Variants in GMPS observed in about 807,000 individuals in gnomAD.
The protein encoded by GMPS is GMP synthase [glutamine-hydrolyzing].
GMPS carries 15 observed loss-of-function variants against 77.9 expected under a neutral mutation model. The observed-to-expected ratio is 0.19, with a 90% CI of 0.13 to 0.30. The LOEUF is 0.30. Ranked by LOEUF, GMPS falls within the 10% of genes least tolerant of loss-of-function variation. The pLI is 1.00. For missense variants in GMPS, 590 were observed against 838.8 expected, an observed-to-expected ratio of 0.70 and a Z score of 3.66; for synonymous variants, 224 against 275.9, an observed-to-expected ratio of 0.81 and a Z score of 1.86.
In GMPS at chr3:155,910,790, G is replaced by T. The variant is rs1474867497; in HGVS notation, c.625G>T (p.Asp209Tyr). The change falls in exon 6 of 16, where the codon GAT becomes TAT. Residue 209 changes from aspartate to tyrosine, a missense_variant. This residue lies in a region of GMPS where 136 missense variants were observed against 225.6 expected (regional missense o/e 0.60). Transcript: ENST00000496455. ...GKVILKNFLY[D>Y]IAGCSGTFTV... ...AGTAATACTGAAGAATTTCCTTTAT[G>T]ATATAGCTGGATGCAGTGGAACCTT... The T allele has an allele frequency of 1.9e-6, 3 of 1,611,372 alleles. No homozygotes were observed. The highest frequency in any genetic ancestry group is 2.5e-6 in the Non-Finnish European group (3 of 1,177,932).
chr3:155,893,838 A>G (rs2108074413), intron 2 of GMPS, 139 bp downstream of exon 2: 2 of 543,510 alleles, frequency 3.7e-6, no homozygotes, highest in Non-Finnish European at 6.2e-6. Context: ...CATGGCTCTG[A>G]TTTGGGGAGA....
intron 1 of GMPS, among the ~76,000 whole-genome samples, chr3:155,873,304 T>A (rs1753946433): frequency 6.6e-6 from 1 of 152,104 alleles, no homozygotes; most frequent in East Asian, 1.9e-4. Context: ...TATTATTTTT[T>A]TGAGACAGGA....
intron 10 of GMPS, among the ~76,000 whole-genome samples, chr3:155,921,549 C>T (rs1001627533): frequency 1.3e-5 from 2 of 152,160 alleles, no homozygotes; most frequent in African/African-American, 4.8e-5. Context: ...GTCAGTGGCT[C>T]ATGCCTGTAA....
chr3:155,919,273 A>G lies in GMPS; in HGVS notation c.1253A>G (p.Glu418Gly). The G allele has an allele frequency of 6.3e-7, 1 of 1,594,806 alleles. No homozygotes were observed. Among genetic ancestry groups the G allele is most frequent in the Non-Finnish European group, 8.6e-7 (1 of 1,168,092 alleles). ...IEPLKDFHKD[E>G]VRILGRELGL... ...CCTCTGAAAGATTTTCATAAAGATG[A>G]AGTGAGAATTTTGGGCAGAGAACTT... Residue 418 changes from glutamate (E) to glycine (G), a missense_variant, in exon 10 of 16, where the codon GAA becomes GGA. Around this residue, in one of 6 missense-constraint regions of GMPS, gnomAD observed 64 missense variants for 114.5 expected, o/e 0.56. Coordinates refer to ENST00000496455, the MANE Select transcript of GMPS (RefSeq NM_003875.3).
intron 9 of GMPS, among the ~76,000 whole-genome samples, chr3:155,918,329 G>A (rs1336065658): frequency 6.6e-6 from 1 of 152,024 alleles, no homozygotes. Context: ...GTGCATGCCT[G>A]TAGTCCCAGC....
At chr3:155,923,643 A>G (rs1004438168) in intron 11 of GMPS, among the ~76,000 whole-genome samples, 1 of 152,366 alleles carries the variant, frequency 6.6e-6, no homozygotes, top group East Asian at 1.9e-4. Context: ...ACTGTCTTTT[A>G]AAAACAAGGG....
intron 1 of GMPS, among the ~76,000 whole-genome samples, chr3:155,891,159 ATGT>A (rs1218863753): frequency 6.6e-6 from 1 of 152,204 alleles, no homozygotes; most frequent in Admixed American, 6.5e-5. Context: ...AATTTGAGCC[ATGT>A]TGTTGGGGAC....
At chr3:155,917,616 C>CATG (rs1433971979) in intron 9 of GMPS, among the ~76,000 whole-genome samples, 2 of 152,036 alleles carry the variant, frequency 1.3e-5, no homozygotes, top group Non-Finnish European at 2.9e-5. Flanking sequence ...CACAGTGGCT[C>CATG]ATGCCTAGCG....
intron 5 of GMPS, among the ~76,000 whole-genome samples, chr3:155,906,648 AC>A (rs1435888331): frequency 6.6e-6 from 1 of 152,074 alleles, no homozygotes; most frequent in Admixed American, 6.6e-5. Context: ...AGCCCATAGC[AC>A]CCAAATAAGT....
In GMPS at chr3:155,937,032, G is replaced by A. The variant is rs530984512; in HGVS notation, c.1980+522G>A. Among the ~76,000 whole-genome samples the A allele has an allele frequency of 1.1e-4, 17 of 152,330 alleles. No individual in the cohort carries two copies. In the South Asian group the frequency reaches 1.9e-3, roughly 17 times the overall value. ...GCCACTGCCTCCAGTGCACTAACAC[G>A]AAGCTGTCGTGATAGCTAGGTAGAT... On this transcript the variant is annotated intron_variant, in intron 15 of 15. Transcript: ENST00000496455.
chr3:155,896,395 C>G (rs1290379104), intron 2 of GMPS, among the ~76,000 whole-genome samples: 1 of 152,154 alleles, frequency 6.6e-6, no homozygotes, highest in African/African-American at 2.4e-5. Flanking sequence ...TCTTAAATAT[C>G]ATTTTTATCA....
chr3:155,910,559 ACT>A, intron 5 of GMPS, 131 bp from the exon 6 acceptor site: 1 of 485,726 alleles, frequency 2.1e-6, no homozygotes, highest in East Asian at 3.6e-5. Flanking sequence ...ACAGAGCAAG[ACT>A]CTGTCTCAAA....
At chr3:155,880,269 G>T (rs1013800276) in intron 1 of GMPS, among the ~76,000 whole-genome samples, 1 of 152,116 alleles carries the variant, frequency 6.6e-6, no homozygotes, top group Admixed American at 6.6e-5. Context: ...TCTAAGGTGG[G>T]TTTAATCTGA....
chr3:155,924,371 T>G (rs189062046), intron 11 of GMPS, among the ~76,000 whole-genome samples: 6 of 152,354 alleles, frequency 3.9e-5, no homozygotes, highest in Non-Finnish European at 7.4e-5. Flanking sequence ...TACTTGTTCT[T>G]GTTTATTAGA....
At chr3:155,875,736 G>A (rs1472500141) in intron 1 of GMPS, among the ~76,000 whole-genome samples, 1 of 152,116 alleles carries the variant, frequency 6.6e-6, no homozygotes, top group East Asian at 1.9e-4. Context: ...GCTTATTGTG[G>A]AATAGAGATG....
chr3:155,931,686 A>ATT lies in GMPS; in HGVS notation c.1561-79_1561-78insTT, dbSNP rs1477110278. On this transcript the variant is annotated intron_variant, in intron 12 of 15. Transcript: ENST00000496455. ...AATGCATCTTTTCTTTTTTTTTTAAAAAAAAAAAAAAGCTTTGTCAAGTTA... is the reference window on the plus strand; with the variant it reads ...AATGCATCTTTTCTTTTTTTTTTAAATTAAAAAAAAAAAGCTTTGTCAAGTTA... 6 of 563,162 alleles carry ATT rather than the reference A, an allele frequency of 1.1e-5. No individual in the cohort carries two copies. In the African/African-American group the frequency reaches 1.2e-4, roughly 11 times the overall value. 34.9% of individuals were successfully genotyped at this position (563,162 alleles called of 1,614,324 possible). A position where few individuals can be genotyped will look rare whatever the true frequency, so the allele number is the denominator to read the frequency against.
chr3:155,943,570 G>A lies in GMPS; in HGVS notation c.*5878G>A, dbSNP rs939956101. ...TTTATAAAGAAATATTTTGTTAATT[G>A]GAGTAAGTAGTATTGTTATGAAATC... On this transcript the variant is annotated 3_prime_UTR_variant, in exon 16 of 16. Coordinates refer to ENST00000496455, the MANE Select transcript of GMPS (RefSeq NM_003875.3). The A allele has an allele frequency of 2.2e-5, 4 of 178,876 alleles. No individual in the cohort carries two copies. In the Admixed American group the frequency reaches 2.5e-4, roughly 11 times the overall value. 11.1% of individuals were successfully genotyped at this position (178,876 alleles called of 1,614,324 possible). A position where few individuals can be genotyped will look rare whatever the true frequency, so the allele number is the denominator to read the frequency against.
intron 8 of GMPS, 124 bp from the exon 9 acceptor site, chr3:155,915,895 T>C: frequency 3.1e-6 from 2 of 649,052 alleles, no homozygotes; most frequent in South Asian, 3.9e-5. Flanking sequence ...ATTTTGGAGA[T>C]TGGTGGATTT....
In GMPS at chr3:155,903,882, G is replaced by A; in HGVS notation, c.344G>A (p.Gly115Glu). ...YGMQMMNKVF[G>E]GTVHKKSVRE... is the part of the protein sequence containing the mutation. The stretch of plus-strand genomic sequence containing the variant: ...GAACAGATGATGAATAAGGTATTTG[G>A]AGGTACTGTGCACAAAAAAAGTGTC... Residue 115 changes from glycine to glutamate, a missense_variant, in exon 4 of 16, where the codon GGA becomes GAA. Gly to Glu is a moderately conservative substitution (Grantham distance 98). Around this residue, in one of 6 missense-constraint regions of GMPS, gnomAD observed 136 missense variants for 225.6 expected, o/e 0.60. Transcript: ENST00000496455. The A allele has an allele frequency of 6.6e-7, 1 of 1,524,380 alleles. No homozygotes were observed. The highest frequency in any genetic ancestry group is 9.0e-7 in the Non-Finnish European group (1 of 1,116,142). The allele number at this position is 1,524,380 out of a possible 1,614,324, so 94.4% of individuals were successfully genotyped here. A position where few individuals can be genotyped will look rare whatever the true frequency, so the allele number is the denominator to read the frequency against.
Sources: allele counts gnomAD v4.1 joint callset (sites outside exome capture counted in the v4.1 genomes callset), GRCh38; gene constraint gnomAD v4.1.1; regional missense constraint gnomAD v4.1.1; transcripts MANE v1.5; gene names NCBI Gene and HGNC (gene_info 2026-07-23, HGNC 2026-07-21).